The following SH3D19 variants were observed in gnomAD, a reference collection of about 807,000 sequenced individuals.
SH3D19 encodes SH3 domain-containing protein 19.
In SH3D19, 58 loss-of-function variants were observed where a neutral mutation model predicts 112.1. The observed-to-expected ratio is 0.52, with a 90% CI of 0.42 to 0.64. SH3D19 has a LOEUF of 0.64. Ranked by LOEUF, SH3D19 falls within the 30% of genes least tolerant of loss-of-function variation. SH3D19 has a pLI of 0.00. For missense variants in SH3D19, 1,090 were observed against 1,263.4 expected, an observed-to-expected ratio of 0.86 and a Z score of 2.08; for synonymous variants, 391 against 448.5, an observed-to-expected ratio of 0.87 and a Z score of 1.62.
chr4:151,242,103 A>C (rs1334970151), intron 1 of SH3D19, among the ~76,000 whole-genome samples: 1 of 151,906 alleles, frequency 6.6e-6, no homozygotes, highest in African/African-American at 2.4e-5. Context: ...AGGCAGGAGA[A>C]TTGCTTGAGC....
intron 1 of SH3D19, among the ~76,000 whole-genome samples, chr4:151,307,478 G>A (rs184794585): frequency 2.6e-5 from 4 of 152,358 alleles, no homozygotes; most frequent in East Asian, 3.9e-4. Flanking sequence ...AGCCACTCGC[G>A]TCTGGGCGCC....
At chr4:151,159,749 A>G (rs7659047) in intron 8 of SH3D19, among the ~76,000 whole-genome samples, 2,788 of 152,314 alleles carry the variant, frequency 0.018, 81 homozygotes, top group African/African-American at 0.063. Context: ...TTAAAATTAA[A>G]TTAAATTAAA....
intron 12 of SH3D19, among the ~76,000 whole-genome samples, chr4:151,141,821 A>G (rs746747002): frequency 2.0e-5 from 3 of 152,234 alleles, no homozygotes; most frequent in Non-Finnish European, 4.4e-5. Context: ...CACACACCAA[A>G]CACAAACATG....
intron 2 of SH3D19, among the ~76,000 whole-genome samples, chr4:151,202,998 A>G (rs886644502): frequency 6.6e-6 from 1 of 152,170 alleles, no homozygotes; most frequent in African/African-American, 2.4e-5. Flanking sequence ...AAATTTCAAG[A>G]ATGCTGGGGG....
intron 1 of SH3D19, among the ~76,000 whole-genome samples, chr4:151,322,316 C>CCAG (rs1295657877): frequency 6.6e-6 from 1 of 151,476 alleles, no homozygotes; most frequent in Admixed American, 6.6e-5. Context: ...ACTTGTAATC[C>CCAG]CAGCCACTCT....
intron 19 of SH3D19, among the ~76,000 whole-genome samples, chr4:151,122,873 A>T (rs1245271244): frequency 1.5e-5 from 2 of 129,726 alleles, no homozygotes; most frequent in Non-Finnish European, 3.1e-5. Context: ...TTTTTTTGAG[A>T]CGGAGTCTCG....
chr4:151,179,305 T>C, intron 4 of SH3D19, 50 bp downstream of exon 4: 1 of 1,052,920 alleles, frequency 9.5e-7, no homozygotes, highest in Admixed American at 4.3e-5. Flanking sequence ...AACACACTTT[T>C]ACTCAATTAT....
intron 8 of SH3D19, among the ~76,000 whole-genome samples, chr4:151,164,245 A>T (rs1434916675): frequency 6.6e-6 from 1 of 152,246 alleles, no homozygotes; most frequent in East Asian, 1.9e-4. Context: ...GAAAGAATGC[A>T]TGCGGGCTAT....
intron 9 of SH3D19, 150 bp from the exon 10 acceptor site, chr4:151,149,711 A>G: frequency 1.6e-6 from 1 of 636,366 alleles, no homozygotes; most frequent in Non-Finnish European, 2.7e-6. Flanking sequence ...AGCCTTAAAC[A>G]ATATTAACCT....
At chr4:151,209,911 A>G (rs1042435734) in intron 2 of SH3D19, among the ~76,000 whole-genome samples, 3 of 152,186 alleles carry the variant, frequency 2.0e-5, no homozygotes, top group African/African-American at 7.2e-5. Context: ...TGGGTTAAAA[A>G]ATCTGAGCAT....
At chr4:151,218,028 G>T (rs1024965178) in intron 2 of SH3D19, among the ~76,000 whole-genome samples, 4 of 151,928 alleles carry the variant, frequency 2.6e-5, no homozygotes, top group African/African-American at 9.7e-5. Flanking sequence ...TATATGCATA[G>T]AAAGCAGACT....
intron 9 of SH3D19, among the ~76,000 whole-genome samples, chr4:151,156,764 T>A (rs555394008): frequency 3.1e-4 from 47 of 152,284 alleles, no homozygotes; most frequent in African/African-American, 1.1e-3. Flanking sequence ...AAAGATTTTA[T>A]GAATAACACC....
chr4:151,232,560 T>G (rs1580287006), intron 1 of SH3D19, among the ~76,000 whole-genome samples: 2 of 152,196 alleles, frequency 1.3e-5, no homozygotes, highest in South Asian at 4.1e-4. Context: ...ACAAGTCACT[T>G]AACCTCCCTA....
intron 7 of SH3D19, among the ~76,000 whole-genome samples, chr4:151,173,557 G>T (rs1759422986): frequency 6.6e-6 from 1 of 152,178 alleles, no homozygotes; most frequent in Admixed American, 6.5e-5. Context: ...ATTTAGCAGA[G>T]CATTAGGTAC....
At chr4:151,307,666 T>G (rs1036399246) in intron 1 of SH3D19, among the ~76,000 whole-genome samples, 2 of 152,252 alleles carry the variant, frequency 1.3e-5, no homozygotes, top group Non-Finnish European at 2.9e-5. Context: ...CCATGAACTG[T>G]GCAGCAGCTC....
intron 3 of SH3D19, among the ~76,000 whole-genome samples, chr4:151,181,326 AG>A (rs953517149): frequency 6.6e-6 from 1 of 152,068 alleles, no homozygotes; most frequent in African/African-American, 2.4e-5. Flanking sequence ...TAGGGGAGGC[AG>A]GGGTGGAAGT....
At chr4:151,316,200 A>C (rs570145426) in intron 1 of SH3D19, among the ~76,000 whole-genome samples, 1 of 152,354 alleles carries the variant, frequency 6.6e-6, no homozygotes, top group Non-Finnish European at 1.5e-5. Flanking sequence ...TTTGATCATG[A>C]GAAAAACATC....
rs138003855 is a variant in SH3D19, at chr4:151,146,657, G to A, written c.2082+1265C>T. 8.5e-4 allele frequency among the ~76,000 whole-genome samples: 130 copies of A among 152,140 alleles called. 1 individual carries two copies. In the East Asian group the frequency reaches 0.022, roughly 26 times the overall value. On this transcript the variant is annotated intron_variant, in intron 11 of 19. Transcript: ENST00000604030. ...AAGCAATTCTCCTGCCTCAGCCTCT[G>A]GAGTAGCTGGGATTACAGGCATGTG...
intron 1 of SH3D19, among the ~76,000 whole-genome samples, chr4:151,303,899 C>G (rs1018219679): frequency 1.3e-5 from 2 of 151,870 alleles, no homozygotes; most frequent in African/African-American, 4.8e-5. Context: ...TGTAGAAAAA[C>G]TTAAAAATGG....
Sources: gnomAD v4.1 joint callset for allele counts (sites outside exome capture counted in the v4.1 genomes callset) on GRCh38, gnomAD v4.1.1 for gene constraint, MANE v1.5 for transcripts, NCBI Gene and HGNC (gene_info 2026-07-23, HGNC 2026-07-21) for gene names.